Variants in CTPS2 observed in about 807,000 individuals in gnomAD.
CTPS2 encodes CTP synthase 2.
Under a neutral mutation model 46.8 loss-of-function variants are expected in CTPS2, and 19 were observed. The ratio of observed to expected loss-of-function variants is 0.41; its 90% CI spans 0.28 to 0.60. The LOEUF (loss-of-function observed/expected upper bound fraction) is 0.60. Among genes scored for constraint, CTPS2 ranks in the 20% least tolerant of loss-of-function variants. CTPS2 has a pLI of 0.35. For missense variants in CTPS2, 286 were observed against 447.6 expected (o/e 0.64, Z 3.26); for synonymous variants, 151 against 165.2 (o/e 0.91, Z 0.66).
chrX:16,702,815 A>G lies in CTPS2; in HGVS notation c.88T>C (p.Cys30Arg), dbSNP rs1261504476. The change falls in exon 2 of 19, where the codon TGT (cysteine) becomes CGT (arginine). Residue 30 changes from cysteine to arginine, a missense_variant. Physicochemically the swap from Cys to Arg is radical, Grantham distance 180. Coordinates refer to ENST00000359276, the MANE Select transcript of CTPS2 (RefSeq NM_175859.3). ...TTTATGGCAGTAACTCGGAGTCCAC[A>G]TGATTTTAGAATCGTTCCAATGCTG... ...ASSIGTILKS[C>R]GLRVTAIKID... 9 of 1,210,467 alleles carry G rather than the reference A, an allele frequency of 7.4e-6. No individual in the cohort carries two copies. In the South Asian group the frequency reaches 1.6e-4, roughly 21 times the overall value.
intron 13 of CTPS2, chrX:16,651,189 G>T: frequency 1.0e-6 from 1 of 970,078 alleles, no homozygotes; most frequent in Non-Finnish European, 1.5e-6. Flanking sequence ...ATGGTGGGAG[G>T]GGAGGGAGGG....
intron 16 of CTPS2, among the ~76,000 whole-genome samples, chrX:16,612,415 A>C (rs1200598466): frequency 8.9e-6 from 1 of 112,246 alleles, no homozygotes; most frequent in Non-Finnish European, 1.9e-5. Context: ...ATCCACATGA[A>C]ATTTGAAAGC....
intron 17 of CTPS2, among the ~76,000 whole-genome samples, chrX:16,607,182 T>C (rs1354733797): frequency 3.5e-5 from 4 of 113,097 alleles, no homozygotes; most frequent in African/African-American, 1.3e-4. Context: ...CAGATAGTTA[T>C]AAGTGAGTTA....
At chrX:16,603,639 T>C (rs1430896729) in intron 17 of CTPS2, among the ~76,000 whole-genome samples, 3 of 110,131 alleles carry the variant, frequency 2.7e-5, no homozygotes, top group Admixed American at 9.8e-5. Flanking sequence ...GAAAGAATCA[T>C]ATACAGGTAT....
intron 8 of CTPS2, among the ~76,000 whole-genome samples, chrX:16,684,380 G>A (rs960572251): frequency 9.2e-6 from 1 of 108,440 alleles, no homozygotes; most frequent in Admixed American, 1.0e-4. Flanking sequence ...GTGGTGGTAC[G>A]CACCTGTAAT....
intron 17 of CTPS2, among the ~76,000 whole-genome samples, chrX:16,593,750 G>C (rs1027894241): frequency 9.1e-6 from 1 of 110,321 alleles, no homozygotes; most frequent in East Asian, 2.8e-4. Context: ...TGGCAGAAAA[G>C]ACAACATATG....
chrX:16,663,390 T>C (rs1287868030), intron 13 of CTPS2, among the ~76,000 whole-genome samples: 1 of 111,385 alleles, frequency 9.0e-6, no homozygotes, highest in East Asian at 2.8e-4. Context: ...CAAGCAGTCC[T>C]CCCGCCTCAG....
intron 17 of CTPS2, among the ~76,000 whole-genome samples, chrX:16,594,095 G>T (rs1415999229): frequency 9.0e-6 from 1 of 111,637 alleles, no homozygotes; most frequent in Non-Finnish European, 1.9e-5. Context: ...GATCCTTCAA[G>T]GTGAAGCCAG....
intron 14 of CTPS2, among the ~76,000 whole-genome samples, chrX:16,630,413 C>T (rs1474928901): frequency 9.1e-6 from 1 of 109,424 alleles, no homozygotes; most frequent in Non-Finnish European, 1.9e-5. Flanking sequence ...TGCCACCACG[C>T]CTGGCTAATT....
chrX:16,674,183 G>A (rs1311030882), intron 10 of CTPS2, among the ~76,000 whole-genome samples: 2 of 107,577 alleles, frequency 1.9e-5, no homozygotes, highest in Admixed American at 2.0e-4. Flanking sequence ...TTTGTCTTCA[G>A]ACGAAGTTTC....
intron 8 of CTPS2, among the ~76,000 whole-genome samples, chrX:16,685,703 A>G (rs1470858201): frequency 9.6e-6 from 1 of 104,651 alleles, no homozygotes; most frequent in Non-Finnish European, 2.0e-5. Flanking sequence ...CTAAAAAAAT[A>G]CAAAAAAAAA....
At chrX:16,636,336 G>A (rs1432558623) in intron 14 of CTPS2, among the ~76,000 whole-genome samples, 3 of 111,248 alleles carry the variant, frequency 2.7e-5, no homozygotes, top group African/African-American at 6.5e-5. Flanking sequence ...TGAAGGTTGC[G>A]GTGAGCCGAG....
intron 13 of CTPS2, among the ~76,000 whole-genome samples, chrX:16,651,792 A>G (rs1278407042): frequency 8.9e-6 from 1 of 112,136 alleles, no homozygotes; most frequent in East Asian, 2.8e-4. Context: ...AAGGCAACAG[A>G]GTACAGAGAA....
At chrX:16,691,671 G>A (rs1270705212) in intron 6 of CTPS2, 51 bp from the exon 7 acceptor site, 1 of 1,013,646 alleles carries the variant, frequency 9.9e-7, no homozygotes, top group African/African-American at 1.9e-5. Context: ...TCAGCAGGAT[G>A]CCACATTCAT....
At chrX:16,600,828 C>A (rs763735139) in intron 17 of CTPS2, among the ~76,000 whole-genome samples, 1 of 112,285 alleles carries the variant, frequency 8.9e-6, no homozygotes, top group South Asian at 3.7e-4. Context: ...AAAATAGAAT[C>A]TTTTGTTAAT....
At chrX:16,595,604 T>C (rs1929197878) in intron 17 of CTPS2, among the ~76,000 whole-genome samples, 1 of 111,704 alleles carries the variant, frequency 9.0e-6, no homozygotes, top group Admixed American at 9.5e-5. Flanking sequence ...CTGTCCAATA[T>C]GGTAGCCACA....
intron 8 of CTPS2, among the ~76,000 whole-genome samples, chrX:16,688,938 A>ATAT (rs200595567): frequency 9.2e-6 from 1 of 108,687 alleles, no homozygotes; most frequent in Admixed American, 1.0e-4. Context: ...TACAAAAAAA[A>ATAT]AAAAATATAT....
chrX:16,606,847 T>A (rs1569192055), intron 17 of CTPS2, among the ~76,000 whole-genome samples: 2 of 111,512 alleles, frequency 1.8e-5, no homozygotes, highest in African/African-American at 6.5e-5. Context: ...CTGCAACCTC[T>A]GCCTCCCGGG....
At chrX:16,705,899 G>A (rs1035585831) in intron 1 of CTPS2, among the ~76,000 whole-genome samples, 4 of 110,056 alleles carry the variant, frequency 3.6e-5, no homozygotes, top group Non-Finnish European at 7.6e-5. Context: ...TCAGGAGTTA[G>A]AGACCAGCCT....
Sources: gnomAD v4.1 joint callset for allele counts (sites outside exome capture counted in the v4.1 genomes callset) on GRCh38, gnomAD v4.1.1 for gene constraint, MANE v1.5 for transcripts, NCBI Gene and HGNC (gene_info 2026-07-23, HGNC 2026-07-21) for gene names.